ATP2A2: variants seen among roughly 807,000 people sequenced by gnomAD.
The protein encoded by ATP2A2 is ATPase sarcoplasmic/endoplasmic reticulum Ca2+ transporting 2.
In ATP2A2, 14 loss-of-function variants were observed where a neutral mutation model predicts 109.3. That is an observed-to-expected ratio of 0.13 (90% CI 0.08 to 0.20). The LOEUF (loss-of-function observed/expected upper bound fraction) is 0.20. Among genes scored for constraint, ATP2A2 ranks in the 10% least tolerant of loss-of-function variants. ATP2A2 has a pLI of 1.00. For synonymous variants in ATP2A2, 506 were observed against 490.9 expected, an observed-to-expected ratio of 1.03 and a Z score of -0.41; for missense variants, 657 against 1,321.6, an observed-to-expected ratio of 0.50 and a Z score of 7.80.
chr12:110,293,381 TTTTTTTTGTTTG>T (rs1873549682), intron 4 of ATP2A2, among the ~76,000 whole-genome samples: 2 of 121,534 alleles, frequency 1.6e-5, no homozygotes, highest in Non-Finnish European at 3.4e-5. Flanking sequence ...TTTTTTTTTT[TTTTTTTTGTTTG>T]TTTGTTTGTT....
At chr12:110,298,443 G>T (rs1241265243) in intron 5 of ATP2A2, among the ~76,000 whole-genome samples, 1 of 152,208 alleles carries the variant, frequency 6.6e-6, no homozygotes, top group Admixed American at 6.5e-5. Flanking sequence ...GTTTTGGCCA[G>T]GCGTGGTGGC....
Position 110,349,721 on chromosome 12 carries a change from T to G in ATP2A2, c.*3251T>G, listed in dbSNP as rs774245015. ...CAGAGCATACCACGTCTGCAGTGCC[T>G]GTGAGCAGAGCCAGCAGTTGCCCTG... On this transcript the variant is annotated 3_prime_UTR_variant, in exon 20 of 20. Coordinates refer to ENST00000539276, the MANE Select transcript of ATP2A2 (RefSeq NM_170665.4). 1.6e-4 allele frequency: 157 copies of G among 1,010,270 alleles called. No homozygotes were observed. The highest frequency in any genetic ancestry group is 1.8e-4 in the Non-Finnish European group (151 of 843,666). The allele number at this position is 1,010,270 out of a possible 1,614,324, so 62.6% of individuals were successfully genotyped here. A position where few individuals can be genotyped will look rare whatever the true frequency, so the allele number is the denominator to read the frequency against.
intron 5 of ATP2A2, among the ~76,000 whole-genome samples, chr12:110,306,587 T>G (rs1244807078): frequency 6.6e-6 from 1 of 152,172 alleles, no homozygotes; most frequent in African/African-American, 2.4e-5. Flanking sequence ...AGTGTTTAGC[T>G]CCTACTTACA....
chr12:110,288,299 T>TCAG (rs1466101157), intron 3 of ATP2A2, among the ~76,000 whole-genome samples: 1 of 151,870 alleles, frequency 6.6e-6, no homozygotes, highest in East Asian at 1.9e-4. Flanking sequence ...ACATAGGGTC[T>TCAG]CACTATGTTA....
chr12:110,314,758 A>G (rs1403577616), intron 5 of ATP2A2, among the ~76,000 whole-genome samples: 2 of 152,220 alleles, frequency 1.3e-5, no homozygotes, highest in Non-Finnish European at 2.9e-5. Flanking sequence ...TATTATTACT[A>G]TACAGCCACT....
At chr12:110,294,047 T>G (rs1873687603) in intron 4 of ATP2A2, among the ~76,000 whole-genome samples, 12 of 151,222 alleles carry the variant, frequency 7.9e-5, no homozygotes, top group Admixed American at 7.9e-4. Flanking sequence ...TGGCTGTTGT[T>G]TTTTTTGTTT....
intron 11 of ATP2A2, among the ~76,000 whole-genome samples, chr12:110,338,992 A>G (rs1376530511): frequency 1.3e-5 from 2 of 152,164 alleles, no homozygotes; most frequent in East Asian, 1.9e-4. Context: ...CCATGGGGCC[A>G]TCTTTATTCA....
chr12:110,291,437 C>T, intron 3 of ATP2A2, among the ~76,000 whole-genome samples: 1 of 151,894 alleles, frequency 6.6e-6, no homozygotes. Flanking sequence ...AACTCCTGAC[C>T]TCAGGTGATC....
At chr12:110,301,277 A>G (rs890012692) in intron 5 of ATP2A2, among the ~76,000 whole-genome samples, 4 of 152,204 alleles carry the variant, frequency 2.6e-5, no homozygotes, top group African/African-American at 7.2e-5. Flanking sequence ...ACAGCTTCAG[A>G]GGAAACTACA....
intron 3 of ATP2A2, among the ~76,000 whole-genome samples, chr12:110,290,547 A>T (rs1429632765): frequency 2.6e-5 from 4 of 152,212 alleles, no homozygotes; most frequent in African/African-American, 9.7e-5. Context: ...CCCTCTCCCC[A>T]GATTTTATTT....
At chr12:110,287,539 TGTTTATG>T (rs1872786122) in intron 3 of ATP2A2, among the ~76,000 whole-genome samples, 1 of 152,212 alleles carries the variant, frequency 6.6e-6, no homozygotes, top group African/African-American at 2.4e-5. Flanking sequence ...GAAGAAACAC[TGTTTATG>T]TCCAAAACTA....
intron 5 of ATP2A2, among the ~76,000 whole-genome samples, chr12:110,311,594 TCAAAAAAAA>T (rs1876050428): frequency 6.3e-5 from 1 of 15,944 alleles, no homozygotes; most frequent in Non-Finnish European, 1.1e-4. Flanking sequence ...AGACTCCATC[TCAAAAAAAA>T]AAAAAAAAAA....
intron 5 of ATP2A2, among the ~76,000 whole-genome samples, chr12:110,321,257 A>G (rs899974762): frequency 6.6e-6 from 1 of 152,134 alleles, no homozygotes; most frequent in Non-Finnish European, 1.5e-5. Context: ...AAGAAATTCA[A>G]TGTTTACTTC....
At chr12:110,285,966 C>T (rs1264254880) in intron 3 of ATP2A2, among the ~76,000 whole-genome samples, 4 of 149,944 alleles carry the variant, frequency 2.7e-5, no homozygotes, top group South Asian at 2.1e-4. Context: ...TCTTGTTGCC[C>T]GGGCTGGAGC....
Position 110,342,170 on chromosome 12 carries a change from C to T in ATP2A2, c.2098-58C>T, listed in dbSNP as rs1879417994. 5 of 1,588,286 alleles carry T rather than the reference C, an allele frequency of 3.1e-6. No homozygotes were observed. The highest frequency in any genetic ancestry group is 2.2e-5 in the East Asian group (1 of 44,742). On this transcript the variant is annotated intron_variant, in intron 14 of 19. Transcript: ENST00000539276. The surrounding 1 kb of genome is among the most constrained non-coding windows in gnomAD (Gnocchi z 4.6). The stretch of plus-strand genomic sequence containing the variant: ...TGCTTCCCATTCAGTGGGCTTTTGC[C>T]TAGGGGTATGAATGTGGCATGCCAG...
At chr12:110,292,271 AAATT>A (rs1410400470) in intron 4 of ATP2A2, 147 bp downstream of exon 4, 1 of 711,402 alleles carries the variant, frequency 1.4e-6, no homozygotes, top group Admixed American at 2.1e-5. Context: ...TTTATTCCAT[AAATT>A]AATTGTTTTC....
intron 5 of ATP2A2, among the ~76,000 whole-genome samples, chr12:110,305,490 C>G (rs931663207): frequency 1.3e-5 from 2 of 152,198 alleles, no homozygotes; most frequent in Middle Eastern, 6.3e-3. Flanking sequence ...TTAGTTGTCT[C>G]AGCACCATTT....
Position 110,307,772 on chromosome 12 carries a change from A to G in ATP2A2, c.463+11035A>G, listed in dbSNP as rs1311239913. On this transcript the variant is annotated intron_variant, in intron 5 of 19. Coordinates refer to ENST00000539276, the MANE Select transcript of ATP2A2 (RefSeq NM_170665.4). ...TCCTTTGTTGAGTGCATAGTTTGCA[A>G]TTATTTTCTCCAATTCTGTAGGTTG... Among the ~76,000 whole-genome samples, 3 of 149,032 alleles carry G rather than the reference A, an allele frequency of 2.0e-5. No individual in the cohort carries two copies. In the Admixed American group the frequency reaches 2.1e-4, roughly 10 times the overall value.
intron 17 of ATP2A2, 67 bp from the exon 18 acceptor site, chr12:110,345,182 A>G (rs1879725170): frequency 1.2e-6 from 2 of 1,611,126 alleles, no homozygotes; most frequent in Non-Finnish European, 1.7e-6. Context: ...TAGGCTTGGT[A>G]TGGGGTTGGA....
Sources: gnomAD v4.1 joint callset for allele counts (sites outside exome capture counted in the v4.1 genomes callset) on GRCh38, gnomAD v4.1.1 for gene constraint, Gnocchi (gnomAD v3.1) non-coding constraint, MANE v1.5 for transcripts, NCBI Gene and HGNC (gene_info 2026-07-23, HGNC 2026-07-21) for gene names.